The following LZTFL1 variants were observed in gnomAD, a reference collection of about 807,000 sequenced individuals.
LZTFL1 encodes leucine zipper transcription factor-like protein 1.
In LZTFL1, 25 loss-of-function variants were observed where a neutral mutation model predicts 45.9. The ratio of observed to expected loss-of-function variants is 0.54; its 90% confidence interval spans 0.40 to 0.76. The LOEUF (loss-of-function observed/expected upper bound fraction) is 0.76, where lower values mean the gene tolerates loss of function less well. Ranked by LOEUF, LZTFL1 falls within the 30% of genes least tolerant of loss-of-function variation. The pLI is 0.00. For missense variants in LZTFL1, 277 were observed against 331.1 expected (o/e 0.84, Z 1.27); for synonymous variants, 93 against 117.4 (o/e 0.79, Z 1.35).
chr3:45,861,746 G>A (rs961914143), intron 2 of LZTFL1, among the ~76,000 whole-genome samples: 3 of 152,138 alleles, frequency 2.0e-5, no homozygotes, highest in Admixed American at 6.6e-5. Context: ...TAACTGATAT[G>A]AATTCTACCA....
In LZTFL1 at chr3:45,910,341, A is replaced by G. The variant is rs893377664; in HGVS notation, c.-215+2779T>C. On this transcript the variant is annotated intron_variant, in intron 2 of 4. Transcript: ENST00000472635. Reference sequence around the variant, plus strand: ...GGTAGACACAATGGTGAAGATTAGAATTGAAAGAAAGGAAGGCATCAAGGA... The same window carrying G: ...GGTAGACACAATGGTGAAGATTAGAGTTGAAAGAAAGGAAGGCATCAAGGA... Among the ~76,000 whole-genome samples, 14 of 152,308 alleles carry G rather than the reference A, an allele frequency of 9.2e-5. No individual in the cohort carries two copies. In the South Asian group the frequency reaches 2.7e-3, roughly 29 times the overall value.
chr3:45,897,359 G>C (rs772078703), intron 2 of LZTFL1, among the ~76,000 whole-genome samples: 1 of 152,130 alleles, frequency 6.6e-6, no homozygotes, highest in Non-Finnish European at 1.5e-5. Context: ...AACTAACTAA[G>C]TAACTTCATG....
At chr3:45,861,589 T>G (rs1701492336) in intron 2 of LZTFL1, among the ~76,000 whole-genome samples, 1 of 152,200 alleles carries the variant, frequency 6.6e-6, no homozygotes, top group African/African-American at 2.4e-5. Flanking sequence ...TGCAAAGATA[T>G]GTGTGCATGT....
chr3:45,897,624 G>C (rs1365106218), intron 2 of LZTFL1: 3 of 1,534,710 alleles, frequency 2.0e-6, no homozygotes, highest in Non-Finnish European at 2.6e-6. Context: ...CTCCTTCCAG[G>C]ACCTTAGCCC....
upstream of LZTFL1, among the ~76,000 whole-genome samples, chr3:45,846,038 T>C (rs1380787754): frequency 6.6e-6 from 1 of 152,222 alleles, no homozygotes; most frequent in East Asian, 1.9e-4. Flanking sequence ...TAAGAAGCTC[T>C]GAGCTATGCT....
intron 2 of LZTFL1, among the ~76,000 whole-genome samples, chr3:45,867,394 T>C (rs1701595412): frequency 6.6e-6 from 1 of 152,322 alleles, no homozygotes; most frequent in African/African-American, 2.4e-5. Context: ...GAACTGTCCT[T>C]GGCTCCTGCC....
chr3:45,875,581 G>A (rs927932731), intron 2 of LZTFL1, among the ~76,000 whole-genome samples: 3 of 152,158 alleles, frequency 2.0e-5, no homozygotes, highest in Non-Finnish European at 4.4e-5. Flanking sequence ...TAGCACTTTA[G>A]GAGGCCAAGA....
chr3:45,858,565 T>G (rs2125707263), intron 3 of LZTFL1, among the ~76,000 whole-genome samples: 1 of 152,358 alleles, frequency 6.6e-6, no homozygotes, highest in East Asian at 1.9e-4. Flanking sequence ...TTTTGTAAAC[T>G]GTACTCATAT....
At chr3:45,833,439 T>C (rs527455980) in intron 4 of LZTFL1, among the ~76,000 whole-genome samples, 3 of 152,300 alleles carry the variant, frequency 2.0e-5, no homozygotes, top group African/African-American at 4.8e-5. Flanking sequence ...AGATCTGATA[T>C]AGAGCCTAGC....
chr3:45,905,127 T>C (rs534524119), intron 2 of LZTFL1, among the ~76,000 whole-genome samples: 75 of 152,334 alleles, frequency 4.9e-4, no homozygotes, highest in African/African-American at 1.8e-3. Flanking sequence ...AATCTTTCTC[T>C]CCATTCAACG....
intron 2 of LZTFL1, among the ~76,000 whole-genome samples, chr3:45,869,928 C>G (rs983309286): frequency 1.3e-5 from 2 of 152,248 alleles, no homozygotes; most frequent in Non-Finnish European, 2.9e-5. Context: ...GGGAGAGAGA[C>G]CAGTTATGTC....
At chr3:45,839,246 G>A (rs1459156149) in intron 1 of LZTFL1, among the ~76,000 whole-genome samples, 3 of 151,938 alleles carry the variant, frequency 2.0e-5, no homozygotes, top group Admixed American at 6.6e-5. Context: ...CCACCACCAC[G>A]CCTGACTCAT....
rs550170220 is a variant in LZTFL1, at chr3:45,878,918, G to A, written c.-214-19902C>T. On this transcript the variant is annotated intron_variant, in intron 2 of 4. Coordinates refer to the LZTFL1 transcript ENST00000472635. ...GAAGATATGCAGATGGGAAATAAGC[G>A]TATGAAAATACATTCGACATCATAG... 2.4e-4 allele frequency among the ~76,000 whole-genome samples: 36 copies of A among 152,274 alleles called. No homozygotes were observed. In the South Asian group the frequency reaches 3.3e-3, roughly 14 times the overall value.
At chr3:45,858,644 A>C (rs531346673) in intron 3 of LZTFL1, among the ~76,000 whole-genome samples, 1 of 152,362 alleles carries the variant, frequency 6.6e-6, no homozygotes, top group East Asian at 1.9e-4. Context: ...TGAGAAAATA[A>C]GAAGCTATAG....
chr3:45,844,540 A>G (rs1231814365), upstream of LZTFL1, among the ~76,000 whole-genome samples: 1 of 152,212 alleles, frequency 6.6e-6, no homozygotes, highest in Non-Finnish European at 1.5e-5. Flanking sequence ...TTGAACTGGT[A>G]GTAGGTGGAA....
chr3:45,879,661 T>C (rs1050994141), intron 2 of LZTFL1, among the ~76,000 whole-genome samples: 4 of 152,168 alleles, frequency 2.6e-5, no homozygotes, highest in Non-Finnish European at 5.9e-5. Flanking sequence ...CTTTGGGTGA[T>C]AGTGATGTAT....
At chr3:45,896,682 C>T (rs1702367144) in intron 2 of LZTFL1, among the ~76,000 whole-genome samples, 1 of 152,184 alleles carries the variant, frequency 6.6e-6, no homozygotes, top group African/African-American at 2.4e-5. Flanking sequence ...ATCCAGGTCT[C>T]AATGTTGGGA....
Position 45,830,927 on chromosome 3 carries a change from G to T in LZTFL1, c.586C>A (p.Gln196Lys). 6.2e-7 allele frequency: 1 copy of T among 1,613,788 alleles called. No homozygotes were observed. The highest frequency in any genetic ancestry group is 1.1e-5 in the South Asian group (1 of 91,062). ...EKALQDLQLD[Q>K]GNQKDFIKAQ... is the part of the protein sequence containing the mutation. ...ACTTGTTTCACCTTTTGATTTCCTT[G>T]ATCAAGCTGTAAATCTTGCAGTGCT... Residue 196 changes from glutamine (Q) to lysine (K), a missense_variant, in exon 7 of 10, where the codon CAA becomes AAA. Physicochemically the swap from Gln to Lys is moderately conservative, Grantham distance 53. Transcript: ENST00000296135.
Position 45,901,826 on chromosome 3 carries a change from T to A in LZTFL1, c.-215+11294A>T, listed in dbSNP as rs200106483. The A allele has an allele frequency of 1.7e-5, 28 of 1,613,838 alleles. No individual in the cohort carries two copies. In the East Asian group the frequency reaches 5.1e-4, roughly 30 times the overall value. On this transcript the variant is annotated intron_variant, in intron 2 of 4. Transcript: ENST00000472635. The surrounding 1 kb of genome is among the most constrained non-coding windows in gnomAD (Gnocchi z 4.3). ...TCAGCCAGGCCCAGTGGGTTTCATT[T>A]ACAAGGAGAGAGGGAAGCTTGAAGC... is the stretch of plus-strand genomic sequence containing the variant.
Sources: allele counts gnomAD v4.1 joint callset (sites outside exome capture counted in the v4.1 genomes callset), GRCh38; gene constraint gnomAD v4.1.1; non-coding constraint Gnocchi (gnomAD v3.1); transcripts MANE v1.5; gene names NCBI Gene and HGNC (gene_info 2026-07-23, HGNC 2026-07-21).